PCYOX1: variants seen among roughly 807,000 people sequenced by gnomAD.
PCYOX1 encodes prenylcysteine oxidase 1.
In PCYOX1, 46 loss-of-function variants were observed where a neutral mutation model predicts 46.4. That is an observed-to-expected ratio of 0.99 (90% CI 0.78 to 1.27). The LOEUF (loss-of-function observed/expected upper bound fraction) is 1.27. Ranked by LOEUF, PCYOX1 falls within the 50% of genes most tolerant of loss-of-function variation. The pLI is 0.00. For missense variants in PCYOX1, 658 were observed against 628.3 expected, an observed-to-expected ratio of 1.05 and a Z score of -0.51; for synonymous variants, 220 against 231.8, an observed-to-expected ratio of 0.95 and a Z score of 0.46.
chr2:70,262,649 T>G (rs572852259), intron 3 of PCYOX1, among the ~76,000 whole-genome samples: 12 of 151,788 alleles, frequency 7.9e-5, no homozygotes, highest in Non-Finnish European at 1.6e-4. Context: ...CTGGCTAATT[T>G]TTTGTATTTT....
rs1696733592 is a variant in PCYOX1 at position 70,279,437 on chromosome 2, A to C, written c.*2045A>C. On this transcript the variant is annotated 3_prime_UTR_variant, in exon 6 of 6. Coordinates refer to ENST00000433351, the MANE Select transcript of PCYOX1 (RefSeq NM_016297.4). ...TGGTAAATACTAATTAATTTCCATCATTTGTAGACTTGTTTTGCAATGGGA... is the reference window on the plus strand; with the variant it reads ...TGGTAAATACTAATTAATTTCCATCCTTTGTAGACTTGTTTTGCAATGGGA... The C allele has an allele frequency of 1.3e-5, 2 of 152,232 alleles. No individual in the cohort carries two copies. The highest frequency in any genetic ancestry group is 2.9e-5 in the Non-Finnish European group (2 of 68,040). 9.4% of individuals were successfully genotyped at this position (152,232 alleles called of 1,614,324 possible). A position where few individuals can be genotyped will look rare whatever the true frequency, so the allele number is the denominator to read the frequency against.
At chr2:70,264,237 T>G (rs1696482132) in intron 3 of PCYOX1, among the ~76,000 whole-genome samples, 1 of 152,046 alleles carries the variant, frequency 6.6e-6, no homozygotes, top group African/African-American at 2.4e-5. Flanking sequence ...AGTGTTGGGA[T>G]TACGGTTGTG....
intron 3 of PCYOX1, among the ~76,000 whole-genome samples, chr2:70,272,292 A>T (rs1696613051): frequency 6.6e-6 from 1 of 151,928 alleles, no homozygotes; most frequent in African/African-American, 2.4e-5. Context: ...ATGCCCAGTT[A>T]ATTTTTGTAT....
chr2:70,261,502 G>A (rs1221461819), intron 3 of PCYOX1, 116 bp downstream of exon 3: 1 of 680,686 alleles, frequency 1.5e-6, no homozygotes, highest in African/African-American at 1.8e-5. Flanking sequence ...AGCAAGGCCT[G>A]TTTATAACAT....
intron 3 of PCYOX1, among the ~76,000 whole-genome samples, chr2:70,274,486 C>T (rs1266984740): frequency 3.3e-5 from 5 of 151,418 alleles, no homozygotes; most frequent in African/African-American, 4.8e-5. Flanking sequence ...ATGAAACCAC[C>T]GCGCCTGGCC....
At chr2:70,263,133 C>T (rs1696464334) in intron 3 of PCYOX1, among the ~76,000 whole-genome samples, 1 of 151,666 alleles carries the variant, frequency 6.6e-6, no homozygotes, top group Non-Finnish European at 1.5e-5. Flanking sequence ...ACTTGTGAGC[C>T]TGAGGCAGGA....
rs759337796 is a variant in PCYOX1 at position 70,275,105 on chromosome 2, A to G, written c.641A>G (p.Asn214Ser). ...QKAGFSEKFL[N>S]EMIAPVMRVN... ...GCCGGCTTTTCTGAGAAGTTCCTCA[A>G]TGAAATGATTGCTCCTGTTATGAGG... The change falls in exon 4 of 6, where the codon AAT (asparagine) becomes AGT (serine). Residue 214 changes from asparagine to serine, a missense_variant. Asn to Ser is a conservative substitution (Grantham distance 46). Transcript: ENST00000433351. 20 of 1,614,102 alleles carry G rather than the reference A, an allele frequency of 1.2e-5. No homozygotes were observed. The highest frequency in any genetic ancestry group is 2.7e-5 in the African/African-American group (2 of 74,944).
intron 4 of PCYOX1, 49 bp from the exon 5 acceptor site, chr2:70,275,465 C>G: frequency 6.4e-7 from 1 of 1,571,956 alleles, no homozygotes; most frequent in Non-Finnish European, 8.7e-7. Context: ...GGGTAGAGAG[C>G]CTCTTACAAA....
Position 70,280,649 on chromosome 2 carries a change from G to C in PCYOX1, c.*3257G>C, listed in dbSNP as rs1361336264. 6.6e-6 allele frequency: 1 copy of C among 152,212 alleles called. No homozygotes were observed. Among genetic ancestry groups the C allele is most frequent in the Non-Finnish European group, 1.5e-5 (1 of 68,038 alleles). 9.4% of individuals were successfully genotyped at this position (152,212 alleles called of 1,614,324 possible). ...GTAAAGGAGTCAAGTCAATGAAGGA[G>C]TTATAAAGAGTTGCTGAAAAATGGA... On this transcript the variant is annotated 3_prime_UTR_variant, in exon 6 of 6. Transcript: ENST00000433351.
intron 2 of PCYOX1, among the ~76,000 whole-genome samples, chr2:70,260,666 T>C (rs754034623): frequency 2.0e-5 from 3 of 152,256 alleles, no homozygotes; most frequent in Non-Finnish European, 4.4e-5. Flanking sequence ...GGGGAAAGTC[T>C]GACAGGCCTC....
chr2:70,261,215 T>A lies in PCYOX1; in HGVS notation c.323T>A (p.Leu108His), dbSNP rs1696430666. ...GCTGTGCTTTATGTTTTTGCAGGTC[T>A]CTCTGCTGTTCAGGCCTCTGGTGGC... ...HMKRFVKDLG[L>H]SAVQASGGLL... Residue 108 changes from leucine to histidine, a missense_variant, in exon 3 of 6, where the codon CTC becomes CAC. Physicochemically the swap from Leu to His is moderately conservative, Grantham distance 99. Coordinates refer to ENST00000433351, the MANE Select transcript of PCYOX1 (RefSeq NM_016297.4). 6.2e-7 allele frequency: 1 copy of A among 1,607,472 alleles called. No individual in the cohort carries two copies. Among genetic ancestry groups the A allele is most frequent in the Admixed American group, 1.7e-5 (1 of 59,740 alleles).
intron 3 of PCYOX1, among the ~76,000 whole-genome samples, chr2:70,273,650 T>G (rs1245302149): frequency 6.6e-6 from 1 of 152,236 alleles, no homozygotes; most frequent in African/African-American, 2.4e-5. Context: ...GAATAAGAGA[T>G]AAACCCCGTA....
In PCYOX1 at chr2:70,277,562, G is replaced by T. The variant is rs1696691322; in HGVS notation, c.*170G>T. On this transcript the variant is annotated 3_prime_UTR_variant, in exon 6 of 6. Coordinates refer to ENST00000433351, the MANE Select transcript of PCYOX1 (RefSeq NM_016297.4). ...CACACGGTTCTAATTAAGTGTGAAG[G>T]TATAGCTATTGCACTTATGCCATCT... 1 of 594,508 alleles carries T rather than the reference G, an allele frequency of 1.7e-6. No individual in the cohort carries two copies. Among genetic ancestry groups the T allele is most frequent in the South Asian group, 2.2e-5 (1 of 44,660 alleles). The allele number at this position is 594,508 out of a possible 1,614,324, so 36.8% of individuals were successfully genotyped here.
intron 1 of PCYOX1, among the ~76,000 whole-genome samples, chr2:70,259,110 A>C (rs1452770732): frequency 6.6e-6 from 1 of 152,148 alleles, no homozygotes. Context: ...ACCTGTGAGA[A>C]TCTTTGGGCA....
intron 3 of PCYOX1, among the ~76,000 whole-genome samples, chr2:70,269,519 T>G (rs1224759614): frequency 6.6e-6 from 1 of 152,052 alleles, no homozygotes; most frequent in African/African-American, 2.4e-5. Flanking sequence ...GTGTTTTTAG[T>G]AGAGATGGGT....
intron 3 of PCYOX1, among the ~76,000 whole-genome samples, chr2:70,264,643 A>C (rs1377219209): frequency 1.3e-5 from 2 of 152,002 alleles, no homozygotes; most frequent in African/African-American, 4.8e-5. Flanking sequence ...ATCACTTTTG[A>C]AGTGAATTCA....
rs544487819 is a variant in PCYOX1 at position 70,267,162 on chromosome 2, G to A, written c.494+5776G>A. Among the ~76,000 whole-genome samples the A allele has an allele frequency of 1.1e-4, 17 of 152,022 alleles. No individual in the cohort carries two copies. In the South Asian group the frequency reaches 1.9e-3, roughly 17 times the overall value. ...TCAGTTCCCAGACGGCGTCGCGGCC[G>A]GGCAGAGGCGCTCTTCACATCTCAG... On this transcript the variant is annotated intron_variant, in intron 3 of 5. Coordinates refer to ENST00000433351, the MANE Select transcript of PCYOX1 (RefSeq NM_016297.4).
intron 3 of PCYOX1, among the ~76,000 whole-genome samples, chr2:70,270,121 A>T (rs571544061): frequency 6.6e-6 from 1 of 151,918 alleles, no homozygotes; most frequent in Non-Finnish European, 1.5e-5. Flanking sequence ...CAGCCTCCTG[A>T]ATAGCTGGGA....
rs930333829 is a variant in PCYOX1 at position 70,258,203 on chromosome 2, G to A, written c.39G>A (p.Leu13=). The A allele has an allele frequency of 1.3e-6, 2 of 1,599,688 alleles. No homozygotes were observed. The highest frequency in any genetic ancestry group is 2.3e-5 in the East Asian group (1 of 43,898). ...RVVAELVSSL[L]GLWLLLCSCG... is the part of the protein sequence containing the mutation. ...TCGCGGAGCTCGTCTCCTCGCTGCT[G>A]GGGTTGTGGCTGTTGCTGTGCAGCT... The change falls in exon 1 of 6, where the codon CTG becomes CTA. Residue 13 remains leucine, a synonymous_variant. Coordinates refer to ENST00000433351, the MANE Select transcript of PCYOX1 (RefSeq NM_016297.4).
Sources: allele counts gnomAD v4.1 joint callset (sites outside exome capture counted in the v4.1 genomes callset), GRCh38; gene constraint gnomAD v4.1.1; transcripts MANE v1.5; gene names NCBI Gene and HGNC (gene_info 2026-07-23, HGNC 2026-07-21).